Variants in ERC2 observed in about 807,000 individuals in gnomAD.
ERC2 encodes the protein ELKS/RAB6-interacting/CAST family member 2, also known as ERC protein 2.
A neutral mutation model predicts 114.8 loss-of-function variants in ERC2; 42 were observed. The observed-to-expected ratio is 0.37, with a 90% confidence interval of 0.29 to 0.47. ERC2 has a LOEUF of 0.47. Ranked by LOEUF, ERC2 falls within the 20% of genes least tolerant of loss-of-function variation. The pLI is 0.99. For missense variants in ERC2, 939 were observed against 1,150.7 expected (o/e 0.82, Z 2.66); for synonymous variants, 454 against 425.5 (o/e 1.07, Z -0.82).
chr3:56,377,556 TTAAGA>T (rs368994762), intron 2 of ERC2, among the ~76,000 whole-genome samples: 262 of 152,336 alleles, frequency 1.7e-3, no homozygotes, highest in African/African-American at 5.3e-3. Context: ...CAAATATAAG[TTAAGA>T]TATCAACACC....
intron 12 of ERC2, among the ~76,000 whole-genome samples, chr3:55,975,544 A>C (rs1388893691): frequency 3.3e-5 from 5 of 152,152 alleles, no homozygotes. Context: ...TTTTAAAAAA[A>C]TTTCATTAAT....
intron 6 of ERC2, among the ~76,000 whole-genome samples, chr3:56,115,167 C>T (rs2079158029): frequency 6.6e-6 from 1 of 152,318 alleles, no homozygotes; most frequent in East Asian, 1.9e-4. Context: ...GCCAGCTCCA[C>T]ATGCATTAAA....
At chr3:55,708,049 C>T (rs2063581454) in intron 15 of ERC2, among the ~76,000 whole-genome samples, 1 of 152,140 alleles carries the variant, frequency 6.6e-6, no homozygotes, top group Admixed American at 6.5e-5. Context: ...CAAGACTGAC[C>T]TGGGAATGGG....
intron 14 of ERC2, among the ~76,000 whole-genome samples, chr3:55,776,105 CTT>C (rs57672006): frequency 6.6e-6 from 1 of 150,816 alleles, no homozygotes; most frequent in Non-Finnish European, 1.5e-5. Context: ...CCAACACATA[CTT>C]TTTTTTTTCT....
chr3:56,166,992 T>C (rs530993946), intron 4 of ERC2, among the ~76,000 whole-genome samples: 80 of 152,214 alleles, frequency 5.3e-4, no homozygotes, highest in African/African-American at 1.8e-3. Flanking sequence ...CTTCTCTCAA[T>C]CAAACTGAAT....
At position 56,007,058 on chromosome 3, in the gene ERC2, A is replaced by C; in HGVS notation, c.2061+123T>G. 5 of 822,642 alleles carry C rather than the reference A, an allele frequency of 6.1e-6. No individual in the cohort carries two copies. In the South Asian group the frequency reaches 1.0e-4, roughly 16 times the overall value. 51.0% of individuals were successfully genotyped at this position (822,642 alleles called of 1,614,324 possible). A position where few individuals can be genotyped will look rare whatever the true frequency, so the allele number is the denominator to read the frequency against. ...CAATAAAGTTAAGAGTATTTAATTA[A>C]TTCTTTTATCAGCAGACAGCAACAG... On this transcript the variant is annotated intron_variant, in intron 10 of 17. Coordinates refer to ENST00000288221, the MANE Select transcript of ERC2 (RefSeq NM_015576.3).
At chr3:55,713,107 TC>T in intron 15 of ERC2, among the ~76,000 whole-genome samples, 1 of 111,840 alleles carries the variant, frequency 8.9e-6, no homozygotes, top group East Asian at 2.2e-4. Context: ...TCTCTCTCTC[TC>T]TCTCTCTCTC....
At chr3:55,687,418 G>A (rs2148790193) in intron 16 of ERC2, among the ~76,000 whole-genome samples, 1 of 151,672 alleles carries the variant, frequency 6.6e-6, no homozygotes, top group Non-Finnish European at 1.5e-5. Flanking sequence ...TCTTTGAGTT[G>A]ATAGCTGGCT....
intron 14 of ERC2, among the ~76,000 whole-genome samples, chr3:55,806,617 G>C (rs1347544633): frequency 2.6e-5 from 4 of 152,142 alleles, no homozygotes; most frequent in African/African-American, 9.7e-5. Flanking sequence ...AGGGAGGGGT[G>C]CTACTGGCAT....
intron 14 of ERC2, among the ~76,000 whole-genome samples, chr3:55,751,219 T>G (rs17842430): frequency 0.019 from 2,913 of 152,276 alleles, 82 homozygotes; most frequent in African/African-American, 0.063. Context: ...GAACCCAAAT[T>G]GTTTGTACTG....
chr3:56,032,771 G>A (rs879322295), intron 7 of ERC2, among the ~76,000 whole-genome samples: 2 of 149,276 alleles, frequency 1.3e-5, no homozygotes, highest in Non-Finnish European at 3.0e-5. Flanking sequence ...GTGAAGTGAG[G>A]CTGTAGGATC....
chr3:56,361,418 A>G (rs1560670687), intron 2 of ERC2, among the ~76,000 whole-genome samples: 1 of 152,340 alleles, frequency 6.6e-6, no homozygotes, highest in East Asian at 1.9e-4. Flanking sequence ...AAGTGAAAAC[A>G]GAGGAATCCA....
chr3:55,807,621 CT>C (rs140072682), intron 14 of ERC2, among the ~76,000 whole-genome samples: 14,627 of 152,008 alleles, frequency 0.096, 1,166 homozygotes, highest in African/African-American at 0.22. Flanking sequence ...AATTAAAGGA[CT>C]GGATTTGGCC....
rs189408089 is a variant in ERC2, at chr3:56,226,635, T to C, written c.1075-53115A>G. ...GTGAAGTTTTAGAGGTATGATGAGATAGTACAAGGCACTACGGGAATGACA... is the reference window on the plus strand; with the variant it reads ...GTGAAGTTTTAGAGGTATGATGAGACAGTACAAGGCACTACGGGAATGACA... On this transcript the variant is annotated intron_variant, in intron 3 of 17. Transcript: ENST00000288221. 3.9e-5 allele frequency among the ~76,000 whole-genome samples: 6 copies of C among 152,154 alleles called. No homozygotes were observed. The East Asian group carries it at 9.7e-4, about 25-fold the overall frequency.
At chr3:56,048,076 T>A (rs761016533) in intron 7 of ERC2, among the ~76,000 whole-genome samples, 5 of 152,224 alleles carry the variant, frequency 3.3e-5, no homozygotes, top group Admixed American at 6.5e-5. Context: ...AACAATTTTT[T>A]AAAAAGATTT....
At chr3:56,026,057 C>CTTTTTTTTTTTTTTTTTTTTTT (rs59635680) in intron 7 of ERC2, among the ~76,000 whole-genome samples, 2 of 69,212 alleles carry the variant, frequency 2.9e-5, no homozygotes, top group African/African-American at 5.7e-5. Context: ...CCGTTTCTTT[C>CTTTTTTTTTTTTTTTTTTTTTT]TTTTTTTTTT....
chr3:56,346,648 A>G (rs114661762), intron 2 of ERC2, among the ~76,000 whole-genome samples: 2,896 of 152,314 alleles, frequency 0.019, 104 homozygotes, highest in African/African-American at 0.065. Context: ...TGGGCTATAC[A>G]GTTTGTCAAC....
intron 2 of ERC2, among the ~76,000 whole-genome samples, chr3:56,311,139 T>C (rs964604630): frequency 5.3e-5 from 8 of 150,830 alleles, no homozygotes; most frequent in Non-Finnish European, 7.4e-5. Context: ...CAGATCATAA[T>C]AGATGTTGAT....
At chr3:55,867,642 G>T (rs774580921) in intron 14 of ERC2, among the ~76,000 whole-genome samples, 3 of 152,192 alleles carry the variant, frequency 2.0e-5, no homozygotes, top group Non-Finnish European at 4.4e-5. Flanking sequence ...GAAATAAAAT[G>T]TCAAGTCTTT....
Sources: gnomAD v4.1 joint callset for allele counts (sites outside exome capture counted in the v4.1 genomes callset) on GRCh38, gnomAD v4.1.1 for gene constraint, MANE v1.5 for transcripts, NCBI Gene and HGNC (gene_info 2026-07-23, HGNC 2026-07-21) for gene names.